The following OXCT1 variants were observed in gnomAD, a reference collection of about 807,000 sequenced individuals.
OXCT1 encodes succinyl-CoA:3-ketoacid coenzyme A transferase 1, mitochondrial.
In OXCT1, 27 loss-of-function variants were observed where a neutral mutation model predicts 69.6. That is an observed-to-expected ratio of 0.39 (90% CI 0.29 to 0.54). OXCT1 has a LOEUF of 0.54. Among genes scored for constraint, OXCT1 ranks in the 20% least tolerant of loss-of-function variants. OXCT1 has a pLI of 0.72. For missense variants in OXCT1, 437 were observed against 650.2 expected (o/e 0.67, Z 3.57); for synonymous variants, 202 against 217.8 (o/e 0.93, Z 0.64).
At chr5:41,796,827 G>A (rs1746206289) in intron 11 of OXCT1, among the ~76,000 whole-genome samples, 1 of 152,108 alleles carries the variant, frequency 6.6e-6, no homozygotes, top group Non-Finnish European at 1.5e-5. Context: ...CAGAGAAAGG[G>A]CTTTATAAAC....
At chr5:41,835,924 G>A (rs1748335540) in intron 7 of OXCT1, among the ~76,000 whole-genome samples, 2 of 150,380 alleles carry the variant, frequency 1.3e-5, no homozygotes, top group African/African-American at 4.9e-5. Flanking sequence ...CTCCCCATAG[G>A]TTTTCTATTA....
At chr5:41,826,001 G>T (rs1436942056) in intron 7 of OXCT1, among the ~76,000 whole-genome samples, 1 of 152,172 alleles carries the variant, frequency 6.6e-6, no homozygotes, top group Non-Finnish European at 1.5e-5. Context: ...ATTAACTAAT[G>T]CTCCATATTT....
At chr5:41,842,229 G>C (rs1473142954) in intron 6 of OXCT1, among the ~76,000 whole-genome samples, 1 of 152,132 alleles carries the variant, frequency 6.6e-6, no homozygotes, top group Non-Finnish European at 1.5e-5. Context: ...GCATTTCCTA[G>C]AAGACACCAA....
chr5:41,746,116 A>T (rs1159572419), intron 15 of OXCT1, among the ~76,000 whole-genome samples: 3 of 152,196 alleles, frequency 2.0e-5, no homozygotes, highest in Non-Finnish European at 2.9e-5. Flanking sequence ...ATTTTAGACC[A>T]ACATCCCTGA....
intron 13 of OXCT1, among the ~76,000 whole-genome samples, chr5:41,763,380 C>G (rs1303578446): frequency 6.6e-6 from 1 of 152,040 alleles, no homozygotes; most frequent in Non-Finnish European, 1.5e-5. Flanking sequence ...TGGTTTCAGA[C>G]CGTTTGAAGC....
intron 13 of OXCT1, among the ~76,000 whole-genome samples, chr5:41,763,381 C>A (rs1240764119): frequency 6.6e-6 from 1 of 152,014 alleles, no homozygotes; most frequent in Admixed American, 6.6e-5. Context: ...GGTTTCAGAC[C>A]GTTTGAAGCA....
intron 15 of OXCT1, among the ~76,000 whole-genome samples, chr5:41,742,457 G>A (rs1209046007): frequency 6.6e-6 from 1 of 152,160 alleles, no homozygotes; most frequent in Non-Finnish European, 1.5e-5. Context: ...AGGTGCTGGT[G>A]AGGAATGCAT....
At chr5:41,860,164 C>T (rs1199211357) in intron 3 of OXCT1, among the ~76,000 whole-genome samples, 5 of 151,922 alleles carry the variant, frequency 3.3e-5, no homozygotes, top group South Asian at 2.1e-4. Flanking sequence ...TATTTTCAGA[C>T]GATCTGAAAA....
intron 7 of OXCT1, among the ~76,000 whole-genome samples, chr5:41,813,090 A>G (rs1747065337): frequency 6.6e-6 from 1 of 152,116 alleles, no homozygotes; most frequent in African/African-American, 2.4e-5. Context: ...TGATCAGGCT[A>G]GAACATAAGT....
At chr5:41,813,631 G>A (rs1242714373) in intron 7 of OXCT1, among the ~76,000 whole-genome samples, 6 of 151,944 alleles carry the variant, frequency 3.9e-5, no homozygotes, top group African/African-American at 1.5e-4. Flanking sequence ...CAAGGGTTTG[G>A]GTGCATCCCT....
intron 13 of OXCT1, among the ~76,000 whole-genome samples, chr5:41,788,772 G>T (rs1394990696): frequency 2.6e-5 from 4 of 152,148 alleles, no homozygotes; most frequent in Non-Finnish European, 5.9e-5. Context: ...AATACTAACT[G>T]CCCATTTGAT....
intron 5 of OXCT1, among the ~76,000 whole-genome samples, chr5:41,848,296 T>C (rs1323264831): frequency 6.7e-6 from 1 of 150,298 alleles, no homozygotes; most frequent in Non-Finnish European, 1.5e-5. Flanking sequence ...TACAAACAAA[T>C]GGAAGAATAT....
At chr5:41,778,728 C>G (rs186302230) in intron 13 of OXCT1, among the ~76,000 whole-genome samples, 1 of 152,140 alleles carries the variant, frequency 6.6e-6, no homozygotes, top group African/African-American at 2.4e-5. Context: ...AAGCTAGAAG[C>G]GGTCAATGTA....
intron 15 of OXCT1, among the ~76,000 whole-genome samples, chr5:41,745,647 C>T (rs1453752849): frequency 3.3e-5 from 5 of 151,832 alleles, no homozygotes; most frequent in East Asian, 3.9e-4. Context: ...ATTGATAGAC[C>T]GCTAGCAAGA....
chr5:41,758,383 G>A (rs369616144), intron 14 of OXCT1, among the ~76,000 whole-genome samples: 1 of 152,118 alleles, frequency 6.6e-6, no homozygotes, highest in East Asian at 1.9e-4. Context: ...GAAGATTCTA[G>A]TGTGGAAAAA....
chr5:41,732,888 T>C (rs1178056451), intron 16 of OXCT1, among the ~76,000 whole-genome samples: 1 of 152,224 alleles, frequency 6.6e-6, no homozygotes, highest in East Asian at 1.9e-4. Context: ...CTCTTCACAA[T>C]TAACTCTTCA....
intron 13 of OXCT1, among the ~76,000 whole-genome samples, chr5:41,777,394 C>T (rs773981250): frequency 3.3e-5 from 5 of 151,990 alleles, no homozygotes; most frequent in South Asian, 4.2e-4. Context: ...CCAGCCTGGG[C>T]GACAAAGTGA....
At chr5:41,733,047 C>T (rs879497824) in intron 16 of OXCT1, among the ~76,000 whole-genome samples, 8 of 152,002 alleles carry the variant, frequency 5.3e-5, no homozygotes, top group Non-Finnish European at 1.2e-4. Context: ...TAAATGAGAA[C>T]GCATTATGAC....
chr5:41,865,726 G>T (rs1190422579), intron 1 of OXCT1, among the ~76,000 whole-genome samples: 27 of 152,050 alleles, frequency 1.8e-4, no homozygotes, highest in Admixed American at 1.8e-3. Context: ...TCTTTTTCAT[G>T]GGGGGAGAAG....
Sources: gnomAD v4.1 joint callset for allele counts (sites outside exome capture counted in the v4.1 genomes callset) on GRCh38, gnomAD v4.1.1 for gene constraint, MANE v1.5 for transcripts, NCBI Gene and HGNC (gene_info 2026-07-23, HGNC 2026-07-21) for gene names.